Variants in RPGRIP1L observed in about 807,000 individuals in gnomAD.
RPGRIP1L encodes the protein RPGRIP1 like, also known as protein fantom.
A neutral mutation model predicts 160.4 loss-of-function variants in RPGRIP1L; 131 were observed. That is an observed-to-expected ratio of 0.82 (90% CI 0.71 to 0.94). RPGRIP1L has a LOEUF of 0.94. RPGRIP1L is among the 40% of genes least tolerant of loss of function. The pLI is 0.00. For missense variants in RPGRIP1L, 1,522 were observed against 1,535.8 expected (o/e 0.99, Z 0.15); for synonymous variants, 510 against 515.8 (o/e 0.99, Z 0.15).
intron 2 of RPGRIP1L, among the ~76,000 whole-genome samples, chr16:53,699,765 C>T (rs534997407): frequency 5.7e-4 from 79 of 138,060 alleles, no homozygotes; most frequent in Admixed American, 1.1e-3. Context: ...TTGTAGTGAG[C>T]GGAGGTCGCG....
intron 25 of RPGRIP1L, among the ~76,000 whole-genome samples, chr16:53,606,514 T>C (rs1455671425): frequency 1.3e-5 from 2 of 152,216 alleles, no homozygotes; most frequent in African/African-American, 4.8e-5. Flanking sequence ...TGCTTATAGG[T>C]AAACATGACA....
At chr16:53,609,131 C>G (rs1368208704) in intron 25 of RPGRIP1L, among the ~76,000 whole-genome samples, 1 of 152,188 alleles carries the variant, frequency 6.6e-6, no homozygotes, top group Non-Finnish European at 1.5e-5. Flanking sequence ...CTCTCTCACC[C>G]AGGTTGGAGT....
intron 25 of RPGRIP1L, among the ~76,000 whole-genome samples, chr16:53,606,339 T>G (rs1365207496): frequency 6.6e-6 from 1 of 152,244 alleles, no homozygotes; most frequent in East Asian, 1.9e-4. Flanking sequence ...AGTACTCTTT[T>G]GATATGTCTT....
At chr16:53,699,462 A>G (rs184660698) in intron 2 of RPGRIP1L, among the ~76,000 whole-genome samples, 279 of 152,068 alleles carry the variant, frequency 1.8e-3, no homozygotes, top group African/African-American at 6.6e-3. Context: ...ACAATTCTCC[A>G]ATAGAAACAA....
chr16:53,665,144 C>T, intron 9 of RPGRIP1L, 135 bp from the exon 10 acceptor site: 1 of 1,136,718 alleles, frequency 8.8e-7, no homozygotes, highest in South Asian at 1.4e-5. Flanking sequence ...TGCTGGTCTG[C>T]TGCTGTTGAA....
intron 2 of RPGRIP1L, among the ~76,000 whole-genome samples, chr16:53,697,680 C>A (rs947286703): frequency 2.2e-4 from 34 of 152,252 alleles, no homozygotes; most frequent in African/African-American, 7.9e-4. Flanking sequence ...GGTGCCCAGG[C>A]TGGAGTGCAG....
chr16:53,626,189 A>G (rs996770692), intron 22 of RPGRIP1L, among the ~76,000 whole-genome samples: 7 of 151,718 alleles, frequency 4.6e-5, no homozygotes, highest in Non-Finnish European at 8.8e-5. Context: ...AAAAGTCTCA[A>G]TCAGGTGAAT....
intron 23 of RPGRIP1L, among the ~76,000 whole-genome samples, chr16:53,621,377 A>C (rs1964693744): frequency 6.6e-6 from 1 of 152,154 alleles, no homozygotes; most frequent in Admixed American, 6.5e-5. Context: ...TATTATCAAA[A>C]AAATAAAATA....
chr16:53,687,417 A>G (rs993161313), intron 5 of RPGRIP1L, among the ~76,000 whole-genome samples: 4 of 152,154 alleles, frequency 2.6e-5, no homozygotes, highest in African/African-American at 9.6e-5. Context: ...CCATAGAATC[A>G]TACGAAAACA....
chr16:53,679,352 T>G (rs1969438637), intron 6 of RPGRIP1L, among the ~76,000 whole-genome samples: 1 of 152,154 alleles, frequency 6.6e-6, no homozygotes, highest in Non-Finnish European at 1.5e-5. Flanking sequence ...ACGGTCAAGT[T>G]TAATGGATTC....
chr16:53,669,679 G>T (rs571827247), intron 9 of RPGRIP1L, among the ~76,000 whole-genome samples: 1 of 152,092 alleles, frequency 6.6e-6, no homozygotes, highest in Admixed American at 6.6e-5. Context: ...ATGGCCATAT[G>T]GCACTATTTT....
rs776673720 is a variant in RPGRIP1L, at chr16:53,605,504, T to TA, written c.3811_3812insT (p.Asp1271ValfsTer4). On this transcript the variant is annotated frameshift_variant, in exon 26 of 27. Transcript: ENST00000647211. LOFTEE classifies it high-confidence loss of function. ...ACCATCGATATTTTGCTCAATGAGG[T>TA]CCCTCCCTTCCTGAAACATGTCGGC... 44 of 1,613,866 alleles carry TA rather than the reference T, an allele frequency of 2.7e-5. No individual in the cohort carries two copies. The South Asian group carries it at 4.8e-4, about 18-fold the overall frequency.
At chr16:53,696,029 A>G in intron 3 of RPGRIP1L, 122 bp downstream of exon 3, 1 of 964,672 alleles carries the variant, frequency 1.0e-6, no homozygotes, top group South Asian at 1.4e-5. Context: ...AATTGTACTT[A>G]TTTACATCCT....
intron 14 of RPGRIP1L, chr16:53,655,430 T>G (rs911649598): frequency 6.6e-6 from 1 of 152,110 alleles, no homozygotes; most frequent in Admixed American, 6.6e-5. Flanking sequence ...GTTTTAAGAG[T>G]GTAAAATTAC....
intron 24 of RPGRIP1L, among the ~76,000 whole-genome samples, chr16:53,612,489 A>ATTTTTTT (rs56935715): frequency 7.6e-6 from 1 of 131,574 alleles, no homozygotes. Flanking sequence ...TCCAAATGGG[A>ATTTTTTT]TTTTTTTTTT....
intron 26 of RPGRIP1L, among the ~76,000 whole-genome samples, chr16:53,602,468 C>G (rs1284536465): frequency 6.6e-6 from 1 of 152,158 alleles, no homozygotes; most frequent in African/African-American, 2.4e-5. Context: ...ATGACCCTCA[C>G]ACACAATCAG....
intron 2 of RPGRIP1L, among the ~76,000 whole-genome samples, chr16:53,697,688 C>A (rs1044315275): frequency 1.1e-4 from 16 of 152,250 alleles, no homozygotes; most frequent in African/African-American, 3.9e-4. Context: ...GGCTGGAGTG[C>A]AGTGGCGTGA....
chr16:53,655,838 C>T (rs895857243), intron 14 of RPGRIP1L, among the ~76,000 whole-genome samples: 4 of 152,048 alleles, frequency 2.6e-5, no homozygotes, highest in East Asian at 1.9e-4. Context: ...GTAGAGGGAT[C>T]GCTAGGAATA....
chr16:53,665,517 TATTG>T (rs1485036608), intron 9 of RPGRIP1L, among the ~76,000 whole-genome samples: 4 of 152,070 alleles, frequency 2.6e-5, no homozygotes, highest in South Asian at 2.1e-4. Context: ...ATACCTCCGA[TATTG>T]ATTAAGAAGT....
Sources: allele counts gnomAD v4.1 joint callset (sites outside exome capture counted in the v4.1 genomes callset), GRCh38; gene constraint gnomAD v4.1.1; transcripts MANE v1.5; gene names NCBI Gene and HGNC (gene_info 2026-07-23, HGNC 2026-07-21).